The following MARCHF6 variants were observed in gnomAD, a reference collection of about 807,000 sequenced individuals.
MARCHF6 encodes the protein E3 ubiquitin-protein ligase MARCHF6.
In MARCHF6, 31 loss-of-function variants were observed where a neutral mutation model predicts 133.7. The observed-to-expected ratio is 0.23, with a 90% CI of 0.17 to 0.31. The LOEUF is 0.31. Ranked by LOEUF, MARCHF6 falls within the 10% of genes least tolerant of loss-of-function variation. The probability of loss-of-function intolerance (pLI) is 1.00; values close to 1 mark genes in which losing one functional copy is unlikely to be tolerated. For synonymous variants in MARCHF6, 395 were observed against 402.5 expected, an observed-to-expected ratio of 0.98 and a Z score of 0.22; for missense variants, 723 against 1,121.6, an observed-to-expected ratio of 0.64 and a Z score of 5.08.
At chr5:10,388,130 T>C (rs901937445) in intron 5 of MARCHF6, among the ~76,000 whole-genome samples, 2 of 152,228 alleles carry the variant, frequency 1.3e-5, no homozygotes, top group Non-Finnish European at 2.9e-5. Context: ...AGGCTTCTTT[T>C]TCCCTCTCAC....
rs1043786889 is a variant in MARCHF6 at position 10,394,216 on chromosome 5, T to TG, written c.828+74dup. On this transcript the variant is annotated intron_variant, in intron 8 of 25. Transcript: ENST00000274140. ...TATTTTAAACTTTGGTGTATTTAGA[T>TG]GTATACACTAATGTTATCGTTACAG... The TG allele has an allele frequency of 3.4e-6, 3 of 881,440 alleles. No homozygotes were observed. The African/African-American group carries it at 5.2e-5, about 15-fold the overall frequency. 54.6% of individuals were successfully genotyped at this position (881,440 alleles called of 1,614,324 possible).
chr5:10,368,897 A>G (rs903360685), intron 1 of MARCHF6, among the ~76,000 whole-genome samples: 24 of 151,504 alleles, frequency 1.6e-4, no homozygotes, highest in African/African-American at 4.6e-4. Flanking sequence ...GCAGTGAACT[A>G]TGGTTGTGCC....
At chr5:10,375,256 C>T (rs1464639943) in intron 1 of MARCHF6, among the ~76,000 whole-genome samples, 1 of 152,222 alleles carries the variant, frequency 6.6e-6, no homozygotes, top group Non-Finnish European at 1.5e-5. Flanking sequence ...CTCGGAGCAG[C>T]CGGCCGGCCC....
chr5:10,377,214 T>C (rs906778798), intron 1 of MARCHF6, among the ~76,000 whole-genome samples: 63 of 152,162 alleles, frequency 4.1e-4, no homozygotes, highest in African/African-American at 1.5e-3. Flanking sequence ...TTCCGGCTCA[T>C]CTCTCTGTGG....
Position 10,435,676 on chromosome 5 carries a change from TATATATATATATATATATATA to T in MARCHF6, c.*1993_*2013del, listed in dbSNP as rs1371877929. The T allele has an allele frequency of 9.4e-4, 15 of 15,944 alleles. No individual in the cohort carries two copies. Among genetic ancestry groups the T allele is most frequent in the Non-Finnish European group, 1.6e-3 (12 of 7,494 alleles). The allele number at this position is 15,944 out of a possible 1,614,324, so 1.0% of individuals were successfully genotyped here. ...ATATATATATATATATATATATATA[TATATATATATATATATATATA>T]TTTTTTTTTTTTTTTTTTTTTTTTT... On this transcript the variant is annotated 3_prime_UTR_variant, in exon 26 of 26. Transcript: ENST00000274140.
intron 24 of MARCHF6, among the ~76,000 whole-genome samples, chr5:10,429,395 C>CTT (rs571345405): frequency 4.5e-5 from 6 of 134,580 alleles, no homozygotes; most frequent in East Asian, 4.2e-4. Context: ...CGTCCAGTTC[C>CTT]TTTTTTTTTT....
At chr5:10,394,673 G>T in intron 8 of MARCHF6, 80 bp from the exon 9 acceptor site, 1 of 1,116,192 alleles carries the variant, frequency 9.0e-7, no homozygotes. Context: ...ATATTGAAAG[G>T]AAAATGAGGC....
At chr5:10,419,811 A>C (rs1039670224) in intron 22 of MARCHF6, among the ~76,000 whole-genome samples, 1 of 152,236 alleles carries the variant, frequency 6.6e-6, no homozygotes, top group Non-Finnish European at 1.5e-5. Context: ...GCAACTTTGC[A>C]GCTTAAAACA....
chr5:10,402,494 A>G (rs763182956), intron 13 of MARCHF6, 39 bp from the exon 14 acceptor site: 4 of 1,612,134 alleles, frequency 2.5e-6, no homozygotes, highest in Non-Finnish European at 2.5e-6. Context: ...GATTTCTCCT[A>G]CATTTGGGTG....
intron 24 of MARCHF6, among the ~76,000 whole-genome samples, chr5:10,429,321 TA>T (rs1740249980): frequency 6.6e-6 from 1 of 152,156 alleles, no homozygotes; most frequent in African/African-American, 2.4e-5. Flanking sequence ...TTTGCTTCTT[TA>T]AACTGTGGTG....
At chr5:10,413,055 C>T (rs1264974420) in intron 19 of MARCHF6, among the ~76,000 whole-genome samples, 3 of 152,148 alleles carry the variant, frequency 2.0e-5, no homozygotes, top group African/African-American at 7.2e-5. Context: ...TGAGCACCCT[C>T]TGCATGAGTC....
chr5:10,417,518 G>C, intron 22 of MARCHF6, 114 bp downstream of exon 22: 3 of 1,360,096 alleles, frequency 2.2e-6, no homozygotes, highest in Non-Finnish European at 3.1e-6. Flanking sequence ...GGCTGAGGTG[G>C]GAGGACTGCT....
In MARCHF6 at chr5:10,405,521, T is replaced by C. The variant is rs181615294; in HGVS notation, c.1333-37T>C. 9.7e-5 allele frequency: 150 copies of C among 1,540,170 alleles called. 1 individual carries two copies. In the East Asian group the frequency reaches 2.7e-3, roughly 27 times the overall value. On this transcript the variant is annotated intron_variant, in intron 15 of 25. Transcript: ENST00000274140. ...AGCTCATATATAGAATTTGAAGACATTGGTGAATATTCATAGTATTTAAAA... is the reference window on the plus strand; with the variant it reads ...AGCTCATATATAGAATTTGAAGACACTGGTGAATATTCATAGTATTTAAAA...
In MARCHF6 at chr5:10,356,084, C is replaced by G. The variant is rs562092246; in HGVS notation, c.19+2167C>G. Among the ~76,000 whole-genome samples the G allele has an allele frequency of 1.0e-3, 158 of 151,952 alleles. 1 individual carries two copies. The highest frequency in any genetic ancestry group is 3.7e-3 in the African/African-American group (155 of 41,452). The stretch of plus-strand genomic sequence containing the variant: ...TACAATTAAATTTAAGTTGAAATAA[C>G]ACTTAAAGGAAAAGGGAGGGTTATA... On this transcript the variant is annotated intron_variant, in intron 1 of 25. Coordinates refer to ENST00000274140, the MANE Select transcript of MARCHF6 (RefSeq NM_005885.4).
Position 10,402,154 on chromosome 5 carries a change from A to T in MARCHF6, c.1053+15A>T. ...TAATTTGTCATGTATCCTTTAATGA[A>T]CCAACTTGGGTGTACACTAATATTA... On this transcript the variant is annotated intron_variant, in intron 12 of 25. Transcript: ENST00000274140. 2 of 1,497,784 alleles carry T rather than the reference A, an allele frequency of 1.3e-6. No individual in the cohort carries two copies. The highest frequency in any genetic ancestry group is 9.3e-7 in the Non-Finnish European group (1 of 1,078,404). The allele number at this position is 1,497,784 out of a possible 1,614,324, so 92.8% of individuals were successfully genotyped here. A position where few individuals can be genotyped will look rare whatever the true frequency, so the allele number is the denominator to read the frequency against.
Position 10,355,217 on chromosome 5 carries a change from C to T in MARCHF6, c.19+1300C>T, listed in dbSNP as rs1213614676. Among the ~76,000 whole-genome samples, 5 of 152,206 alleles carry T rather than the reference C, an allele frequency of 3.3e-5. No individual in the cohort carries two copies. In the East Asian group the frequency reaches 9.6e-4, roughly 29 times the overall value. On this transcript the variant is annotated intron_variant, in intron 1 of 25. Coordinates refer to ENST00000274140, the MANE Select transcript of MARCHF6 (RefSeq NM_005885.4). ...ATATACACTGAGTGTAGCTAATCGC[C>T]ACTGGAGACGCCTTTGGAAAAAATA...
At position 10,394,772 on chromosome 5, in the gene MARCHF6, C is replaced by A; in HGVS notation, c.848C>A (p.Ser283Ter). 1.3e-6 allele frequency: 2 copies of A among 1,561,990 alleles called. No individual in the cohort carries two copies. Among genetic ancestry groups the A allele is most frequent in the Non-Finnish European group, 1.8e-6 (2 of 1,142,536 alleles). The change falls in exon 9 of 26, where the codon TCA becomes TAA. Residue 283 changes from serine (S) to a stop codon, truncating the protein, a stop_gained. Transcript: ENST00000274140. LOFTEE classifies it high-confidence loss of function. Reference sequence around the variant, plus strand: ...TTTTAGATGCTAGGACTTGATGGATCACTAGTTTTTCTGGTAAGTAAAACT... The same window carrying A: ...TTTTAGATGCTAGGACTTGATGGATAACTAGTTTTTCTGGTAAGTAAAACT... ...TWERMLGLDG[S>*]LVFLEHVFWV...
Position 10,384,318 on chromosome 5 carries a change from A to G in MARCHF6, c.334+2375A>G, listed in dbSNP as rs376609627. 6.7e-3 allele frequency among the ~76,000 whole-genome samples: 967 copies of G among 144,680 alleles called. 10 individuals carry two copies. Among genetic ancestry groups the G allele is most frequent in the Non-Finnish European group, 9.7e-3 (651 of 67,068 alleles). The allele number at this position is 144,680 out of a possible 152,430, so 94.9% of individuals were successfully genotyped here. Reference sequence around the variant, plus strand: ...GAATAAAAGGCAATTGAATTCTGGCACTCAAAAAAAAAAAGAAAATTGAAA... The same window carrying G: ...GAATAAAAGGCAATTGAATTCTGGCGCTCAAAAAAAAAAAGAAAATTGAAA... On this transcript the variant is annotated intron_variant, in intron 4 of 25. Coordinates refer to ENST00000274140, the MANE Select transcript of MARCHF6 (RefSeq NM_005885.4).
intron 3 of MARCHF6, among the ~76,000 whole-genome samples, chr5:10,380,889 C>T (rs1388580531): frequency 1.0e-4 from 15 of 150,092 alleles, no homozygotes; most frequent in East Asian, 5.9e-4. Flanking sequence ...ATTATGCCAC[C>T]GCACTCCAGC....
Sources: allele counts gnomAD v4.1 joint callset (sites outside exome capture counted in the v4.1 genomes callset), GRCh38; gene constraint gnomAD v4.1.1; transcripts MANE v1.5; gene names NCBI Gene and HGNC (gene_info 2026-07-23, HGNC 2026-07-21).